The following SGMS1 variants were observed in gnomAD, a reference collection of about 807,000 sequenced individuals.
SGMS1 encodes phosphatidylcholine:ceramide cholinephosphotransferase 1.
A neutral mutation model predicts 46.2 loss-of-function variants in SGMS1; 13 were observed. The observed-to-expected ratio is 0.28, with a 90% CI of 0.18 to 0.45. The LOEUF (loss-of-function observed/expected upper bound fraction) is 0.45. Among genes scored for constraint, SGMS1 ranks in the 20% least tolerant of loss-of-function variants. The probability of loss-of-function intolerance (pLI) is 1.00; values close to 1 mark genes in which losing one functional copy is unlikely to be tolerated. For synonymous variants in SGMS1, 203 were observed against 187.8 expected, an observed-to-expected ratio of 1.08 and a Z score of -0.66; for missense variants, 324 against 519.9, an observed-to-expected ratio of 0.62 and a Z score of 3.66.
At chr10:50,486,882 A>G (rs1837525445) in intron 3 of SGMS1, among the ~76,000 whole-genome samples, 1 of 152,258 alleles carries the variant, frequency 6.6e-6, no homozygotes, top group South Asian at 2.1e-4. Context: ...AGCACTATTC[A>G]CAATAGTAAA....
At chr10:50,604,391 C>T (rs1043094589) in intron 1 of SGMS1, among the ~76,000 whole-genome samples, 2 of 152,152 alleles carry the variant, frequency 1.3e-5, no homozygotes, top group African/African-American at 2.4e-5. Flanking sequence ...GATAAGAGAA[C>T]CAGAACTGTA....
chr10:50,310,505 C>A (rs1847237258), intron 9 of SGMS1, among the ~76,000 whole-genome samples: 1 of 151,900 alleles, frequency 6.6e-6, no homozygotes, highest in African/African-American at 2.4e-5. Context: ...ATATAAATGG[C>A]AGTATGCCAT....
At chr10:50,495,683 T>G (rs1303064255) in intron 3 of SGMS1, among the ~76,000 whole-genome samples, 1 of 152,170 alleles carries the variant, frequency 6.6e-6, no homozygotes, top group Non-Finnish European at 1.5e-5. Flanking sequence ...ATTTTGTTAA[T>G]TTCATATATT....
intron 4 of SGMS1, among the ~76,000 whole-genome samples, chr10:50,461,376 T>C (rs940634867): frequency 8.5e-5 from 13 of 152,134 alleles, no homozygotes; most frequent in Non-Finnish European, 2.9e-5. Flanking sequence ...AGAGATAATG[T>C]CTTGTATTAA....
chr10:50,314,798 G>C (rs540037744), intron 8 of SGMS1, among the ~76,000 whole-genome samples: 1 of 152,270 alleles, frequency 6.6e-6, no homozygotes, highest in South Asian at 2.1e-4. Context: ...GCATGTGCCT[G>C]TAGTCCCAGC....
intron 1 of SGMS1, among the ~76,000 whole-genome samples, chr10:50,608,011 G>A (rs990921871): frequency 1.3e-5 from 2 of 152,118 alleles, no homozygotes; most frequent in Admixed American, 6.5e-5. Flanking sequence ...AGCACTGATC[G>A]TATATGCTAA....
intron 1 of SGMS1, among the ~76,000 whole-genome samples, chr10:50,615,876 C>T (rs992051270): frequency 6.6e-6 from 1 of 152,190 alleles, no homozygotes; most frequent in Non-Finnish European, 1.5e-5. Flanking sequence ...TACCATCTGT[C>T]ACATAGAGTT....
At chr10:50,482,799 G>A (rs1837488556) in intron 3 of SGMS1, among the ~76,000 whole-genome samples, 1 of 152,154 alleles carries the variant, frequency 6.6e-6, no homozygotes, top group African/African-American at 2.4e-5. Context: ...TCTGTGCACT[G>A]TATTCAAGAG....
intron 6 of SGMS1, among the ~76,000 whole-genome samples, chr10:50,403,255 A>C (rs1848965986): frequency 6.6e-6 from 1 of 151,946 alleles, no homozygotes; most frequent in Admixed American, 6.5e-5. Flanking sequence ...GAAGAGTTTC[A>C]ACTAACTAAC....
intron 8 of SGMS1, among the ~76,000 whole-genome samples, chr10:50,321,978 G>A (rs60047475): frequency 0.037 from 5,661 of 152,244 alleles, 350 homozygotes; most frequent in African/African-American, 0.13. Context: ...CAGAAAAGCT[G>A]ACAGTGGCAG....
chr10:50,584,777 A>G (rs961047281), intron 2 of SGMS1, among the ~76,000 whole-genome samples: 1 of 152,204 alleles, frequency 6.6e-6, no homozygotes, highest in African/African-American at 2.4e-5. Context: ...GCATTTTCAC[A>G]TCTTTGAATT....
At chr10:50,324,664 A>C (rs1051214571) in intron 8 of SGMS1, among the ~76,000 whole-genome samples, 1 of 152,226 alleles carries the variant, frequency 6.6e-6, no homozygotes, top group Non-Finnish European at 1.5e-5. Context: ...TAGCTTCAGA[A>C]GTCTTTCTAT....
At chr10:50,585,406 C>T (rs1838474290) in intron 2 of SGMS1, among the ~76,000 whole-genome samples, 1 of 152,176 alleles carries the variant, frequency 6.6e-6, no homozygotes, top group South Asian at 2.1e-4. Flanking sequence ...ACATTACATA[C>T]TCCTCATTAC....
At chr10:50,605,980 C>A (rs970901511) in intron 1 of SGMS1, among the ~76,000 whole-genome samples, 1 of 152,116 alleles carries the variant, frequency 6.6e-6, no homozygotes, top group East Asian at 1.9e-4. Flanking sequence ...TTAAGAGACA[C>A]CTTATTTTCT....
At position 50,607,145 on chromosome 10, in the gene SGMS1, A is replaced by ATT. The variant is rs1298270590; in HGVS notation, c.-684+16560_-684+16561dup. Among the ~76,000 whole-genome samples, 187 of 136,406 alleles carry ATT rather than the reference A, an allele frequency of 1.4e-3. 2 individuals carry two copies. The highest frequency in any genetic ancestry group is 2.1e-3 in the Non-Finnish European group (131 of 62,884). 89.5% of individuals were successfully genotyped at this position (136,406 alleles called of 152,430 possible). The stretch of plus-strand genomic sequence containing the variant: ...AGATGCACACCACCACACCCAGGTA[A>ATT]TTTTTTTTTTTTTTTTTGGTAGAGA... On this transcript the variant is annotated intron_variant, in intron 1 of 10. Coordinates refer to ENST00000361781, the MANE Select transcript of SGMS1 (RefSeq NM_147156.4).
intron 2 of SGMS1, among the ~76,000 whole-genome samples, chr10:50,542,703 T>C (rs1225344116): frequency 6.7e-6 from 1 of 148,188 alleles, no homozygotes; most frequent in Non-Finnish European, 1.5e-5. Context: ...GAGATATATA[T>C]AACCTATAAA....
intron 2 of SGMS1, among the ~76,000 whole-genome samples, chr10:50,552,646 T>C (rs1838158133): frequency 6.6e-6 from 1 of 152,240 alleles, no homozygotes; most frequent in Non-Finnish European, 1.5e-5. Flanking sequence ...AAAGTTCTAT[T>C]AATATTTGCC....
At chr10:50,479,776 A>AT (rs2133716549) in intron 3 of SGMS1, among the ~76,000 whole-genome samples, 1 of 152,128 alleles carries the variant, frequency 6.6e-6, no homozygotes, top group South Asian at 2.1e-4. Context: ...ATGTATATAT[A>AT]TTTTTTATAT....
At chr10:50,614,680 G>C (rs966277421) in intron 1 of SGMS1, among the ~76,000 whole-genome samples, 2 of 152,360 alleles carry the variant, frequency 1.3e-5, no homozygotes, top group South Asian at 2.1e-4. Context: ...AGAGCCACTG[G>C]CTTCACCTGA....
Sources: allele counts gnomAD v4.1 joint callset (sites outside exome capture counted in the v4.1 genomes callset), GRCh38; gene constraint gnomAD v4.1.1; transcripts MANE v1.5; gene names NCBI Gene and HGNC (gene_info 2026-07-23, HGNC 2026-07-21).